The following TET2 variants were observed in gnomAD, a reference collection of about 807,000 sequenced individuals.
The protein encoded by TET2 is methylcytosine dioxygenase TET2.
In TET2, 299 loss-of-function variants were observed where a neutral mutation model predicts 142.9. The ratio of observed to expected loss-of-function variants is 2.09; its 90% CI spans 1.90 to 2.30. The LOEUF (loss-of-function observed/expected upper bound fraction) is 2.30. Ranked by LOEUF, TET2 falls within the 30% of genes most tolerant of loss-of-function variation. The probability of loss-of-function intolerance (pLI) is 0.00; values close to 1 mark genes in which losing one functional copy is unlikely to be tolerated. For synonymous variants in TET2, 819 were observed against 849.0 expected, an observed-to-expected ratio of 0.96 and a Z score of 0.61; for missense variants, 2,418 against 2,378.0, an observed-to-expected ratio of 1.02 and a Z score of -0.35.
At chr4:105,159,801 C>A in intron 1 of TET2, among the ~76,000 whole-genome samples, 1 of 152,030 alleles carries the variant, frequency 6.6e-6, no homozygotes, top group East Asian at 1.9e-4. Flanking sequence ...GGCAAGAGAT[C>A]GAGATCATCC....
chr4:105,223,644 A>G (rs1048816683), intron 2 of TET2, among the ~76,000 whole-genome samples: 1 of 152,192 alleles, frequency 6.6e-6, no homozygotes, highest in Non-Finnish European at 1.5e-5. Context: ...ATAAGTGTAT[A>G]ATTGACACAA....
In TET2 at chr4:105,236,696, G is replaced by GT; in HGVS notation, c.2755dup (p.Tyr919LeufsTer5). On this transcript the variant is annotated frameshift_variant, in exon 3 of 11. Coordinates refer to ENST00000380013, the MANE Select transcript of TET2 (RefSeq NM_001127208.3). LOFTEE classifies it high-confidence loss of function. ...AAGCTGCGCAACTTGCTCAGCAAAG[G>GT]TACTTGATACATAACCATGCAAATG... 1 of 1,614,090 alleles carries GT rather than the reference G, an allele frequency of 6.2e-7. No individual in the cohort carries two copies. Among genetic ancestry groups the GT allele is most frequent in the Non-Finnish European group, 8.5e-7 (1 of 1,180,008 alleles).
intron 2 of TET2, among the ~76,000 whole-genome samples, chr4:105,213,353 G>C (rs1727286734): frequency 6.6e-6 from 1 of 152,152 alleles, no homozygotes; most frequent in Non-Finnish European, 1.5e-5. Flanking sequence ...AAAATTGAGA[G>C]GAAGCATACT....
intron 1 of TET2, among the ~76,000 whole-genome samples, chr4:105,153,924 T>C (rs1723436479): frequency 6.6e-6 from 1 of 152,240 alleles, no homozygotes; most frequent in African/African-American, 2.4e-5. Flanking sequence ...TATCATGTCA[T>C]GAGTGAATAA....
intron 1 of TET2, among the ~76,000 whole-genome samples, chr4:105,179,813 ACTAT>A (rs994317715): frequency 2.0e-4 from 30 of 152,342 alleles, no homozygotes; most frequent in Admixed American, 1.9e-3. Flanking sequence ...CCACTGGAAG[ACTAT>A]CTACAGTGAG....
At chr4:105,188,322 A>G (rs773234586) in intron 1 of TET2, among the ~76,000 whole-genome samples, 8 of 152,240 alleles carry the variant, frequency 5.3e-5, no homozygotes, top group Non-Finnish European at 1.0e-4. Flanking sequence ...TAGTCAAATT[A>G]ATAGAGGCAT....
At chr4:105,150,798 T>C (rs1000142474) in intron 1 of TET2, among the ~76,000 whole-genome samples, 2 of 152,230 alleles carry the variant, frequency 1.3e-5, no homozygotes, top group Non-Finnish European at 2.9e-5. Flanking sequence ...AAGGAGGTTA[T>C]GCAGTACATC....
At position 105,276,840 on chromosome 4, in the gene TET2, C is replaced by CCCA. The variant is rs1731248618; in HGVS notation, c.*323_*324insACC. ...GACGAGATGATATGTAAATGTGATC[C>CCCA]CCCCCCCCCGCTTACAACTCTACAC... On this transcript the variant is annotated 3_prime_UTR_variant, in exon 11 of 11. Transcript: ENST00000380013. 1 of 138,540 alleles carries CCCA rather than the reference C, an allele frequency of 7.2e-6. No homozygotes were observed. The highest frequency in any genetic ancestry group is 9.0e-5 in the Admixed American group (1 of 11,092). 8.6% of individuals were successfully genotyped at this position (138,540 alleles called of 1,614,324 possible). A position where few individuals can be genotyped will look rare whatever the true frequency, so the allele number is the denominator to read the frequency against.
Position 105,275,047 on chromosome 4 carries a change from GA to G in TET2, c.4539del (p.Glu1513AspfsTer58). On this transcript the variant is annotated frameshift_variant and splice_region_variant, in exon 11 of 11. Coordinates refer to ENST00000380013, the MANE Select transcript of TET2 (RefSeq NM_001127208.3). LOFTEE classifies it low-confidence loss of function (END_TRUNC). Reference protein sequence around the residue: ...ENASQAKQLAELLRLSGPVMQ... With the variant: ...ENASQAKQLAXLLRLSGPVMQ... ...TCTGTTCTCTCTTACCCTGTCCACA[GA>G]ACTTTTGCGACTTTCAGGACCAGTC... 1 of 1,522,640 alleles carries G rather than the reference GA, an allele frequency of 6.6e-7. No homozygotes were observed. Among genetic ancestry groups the G allele is most frequent in the Non-Finnish European group, 8.8e-7 (1 of 1,134,652 alleles). The allele number at this position is 1,522,640 out of a possible 1,614,324, so 94.3% of individuals were successfully genotyped here.
At chr4:105,242,770 T>C in intron 4 of TET2, 64 bp from the exon 5 acceptor site, 1 of 1,525,932 alleles carries the variant, frequency 6.6e-7, no homozygotes, top group South Asian at 1.3e-5. Flanking sequence ...GTTCAAATAT[T>C]TTGATTGCCT....
rs969501182 is a variant in TET2 at position 105,241,775 on chromosome 4, G to A, written c.3500+346G>A. 8.1e-5 allele frequency: 101 copies of A among 1,252,144 alleles called. No homozygotes were observed. In the South Asian group the frequency reaches 1.1e-3, roughly 13 times the overall value. 77.6% of individuals were successfully genotyped at this position (1,252,144 alleles called of 1,614,324 possible). On this transcript the variant is annotated intron_variant, in intron 4 of 10. Transcript: ENST00000380013. Reference sequence around the variant, plus strand: ...TGGCTTTCCCACCTGATAATAAAGTGTCAAAGCAGAAAGACTGGTAAAGTG... The same window carrying A: ...TGGCTTTCCCACCTGATAATAAAGTATCAAAGCAGAAAGACTGGTAAAGTG...
chr4:105,215,614 TACA>T (rs372076905), intron 2 of TET2, among the ~76,000 whole-genome samples: 3 of 152,128 alleles, frequency 2.0e-5, no homozygotes, highest in African/African-American at 4.8e-5. Context: ...CAGAAAGGAA[TACA>T]ACATTTTTCC....
At chr4:105,202,067 C>T (rs1726513048) in intron 2 of TET2, among the ~76,000 whole-genome samples, 1 of 152,058 alleles carries the variant, frequency 6.6e-6, no homozygotes, top group Admixed American at 6.6e-5. Flanking sequence ...AGATTACCAA[C>T]TTCTGTCTTC....
At chr4:105,206,402 C>T (rs1290936082) in intron 2 of TET2, among the ~76,000 whole-genome samples, 1 of 152,238 alleles carries the variant, frequency 6.6e-6, no homozygotes, top group Non-Finnish European at 1.5e-5. Context: ...GTAACTCAGA[C>T]AGTGACCTAC....
intron 1 of TET2, among the ~76,000 whole-genome samples, chr4:105,161,892 C>A (rs1723877168): frequency 6.6e-6 from 1 of 152,070 alleles, no homozygotes; most frequent in Non-Finnish European, 1.5e-5. Context: ...AAATTTTAGG[C>A]TGTTCGTCTT....
chr4:105,274,693 T>C (rs77352996), intron 10 of TET2, among the ~76,000 whole-genome samples: 6,474 of 152,098 alleles, frequency 0.043, 324 homozygotes, highest in East Asian at 0.2. Context: ...GTCAAAGCGG[T>C]CCCTTGAGGA....
At chr4:105,243,479 C>A in intron 5 of TET2, 91 bp from the exon 6 acceptor site, 1 of 1,096,456 alleles carries the variant, frequency 9.1e-7, no homozygotes, top group Non-Finnish European at 1.4e-6. Context: ...ATAAAATATA[C>A]ATACATAAGT....
intron 9 of TET2, among the ~76,000 whole-genome samples, chr4:105,270,815 A>T (rs1474980966): frequency 6.6e-6 from 1 of 152,186 alleles, no homozygotes; most frequent in Non-Finnish European, 1.5e-5. Flanking sequence ...AACCTAATGA[A>T]TTATCAACAT....
intron 8 of TET2, among the ~76,000 whole-genome samples, chr4:105,267,298 A>C: frequency 6.6e-6 from 1 of 152,090 alleles, no homozygotes; most frequent in East Asian, 1.9e-4. Context: ...CCAGATCAAC[A>C]TAATGAAATG....
Sources: allele counts gnomAD v4.1 joint callset (sites outside exome capture counted in the v4.1 genomes callset), GRCh38; gene constraint gnomAD v4.1.1; transcripts MANE v1.5; gene names NCBI Gene and HGNC (gene_info 2026-07-23, HGNC 2026-07-21).